IRS1: variants seen among roughly 807,000 people sequenced by gnomAD.
The protein encoded by IRS1 is insulin receptor substrate 1.
Under a neutral mutation model 65.6 loss-of-function variants are expected in IRS1, and 34 were observed. The ratio of observed to expected loss-of-function variants is 0.52; its 90% CI spans 0.39 to 0.69. IRS1 has a LOEUF of 0.69. IRS1 is among the 30% of genes least tolerant of loss of function. IRS1 has a pLI of 0.00. For missense variants in IRS1, 1,641 were observed against 1,720.2 expected (o/e 0.95, Z 0.81); for synonymous variants, 699 against 683.5 (o/e 1.02, Z -0.35).
intron 1 of IRS1, among the ~76,000 whole-genome samples, chr2:226,777,320 T>C (rs372553165): frequency 2.0e-5 from 3 of 152,306 alleles, no homozygotes; most frequent in African/African-American, 7.2e-5. Flanking sequence ...AAAAAGTGTA[T>C]TTTAAAAATG....
intron 1 of IRS1, among the ~76,000 whole-genome samples, chr2:226,774,417 G>T (rs1939228523): frequency 6.6e-6 from 1 of 152,120 alleles, no homozygotes; most frequent in Non-Finnish European, 1.5e-5. Context: ...AAAATGGAGA[G>T]AACATGGGGA....
chr2:226,771,121 T>C (rs569962563), intron 1 of IRS1, among the ~76,000 whole-genome samples: 19 of 152,206 alleles, frequency 1.2e-4, no homozygotes, highest in African/African-American at 3.9e-4. Context: ...GCTGTGTTGT[T>C]TGTGATTTTA....
At chr2:226,765,440 A>G (rs1344870107) in intron 1 of IRS1, among the ~76,000 whole-genome samples, 1 of 152,174 alleles carries the variant, frequency 6.6e-6, no homozygotes, top group Non-Finnish European at 1.5e-5. Flanking sequence ...CTACTCCTGG[A>G]CTGGTCCACA....
intron 1 of IRS1, among the ~76,000 whole-genome samples, chr2:226,773,617 C>T (rs1272201895): frequency 1.3e-5 from 2 of 151,018 alleles, no homozygotes; most frequent in East Asian, 3.9e-4. Flanking sequence ...AACTTGTTAG[C>T]TTGCAAGTTA....
Position 226,798,863 on chromosome 2 carries a change from T to C in IRS1, c.-125A>G, listed in dbSNP as rs1939823566. On this transcript the variant is annotated 5_prime_UTR_variant, in exon 1 of 2. Transcript: ENST00000305123. The surrounding 1 kb of genome is among the most constrained non-coding windows in gnomAD (Gnocchi z 9.4). ...GGCTGGAGGCAGCAGAAACCCCGAC[T>C]CTGAAATCCACGCCGCCCCCCGCGC... The C allele has an allele frequency of 3.3e-6, 5 of 1,530,928 alleles. No homozygotes were observed. In the African/African-American group the frequency reaches 6.9e-5, roughly 21 times the overall value. 94.8% of individuals were successfully genotyped at this position (1,530,928 alleles called of 1,614,324 possible).
intron 1 of IRS1, among the ~76,000 whole-genome samples, chr2:226,787,085 C>T (rs1188864969): frequency 1.3e-5 from 2 of 152,102 alleles, no homozygotes; most frequent in Admixed American, 6.5e-5. Flanking sequence ...GGTTTCCTAA[C>T]ACTGACCACC....
Position 226,796,546 on chromosome 2 carries a change from G to A in IRS1, c.2193C>T (p.Asp731=), listed in dbSNP as rs1288117276. Residue 731 remains aspartate, a synonymous_variant, in exon 1 of 2, where the codon GAC becomes GAT. Coordinates refer to ENST00000305123, the MANE Select transcript of IRS1 (RefSeq NM_005544.3). The stretch of plus-strand genomic sequence containing the variant: ...CCCCCACTGGTGACATGTTCATGTA[G>A]TCACCTGTGCAAGGTAAGAGCTTAC... ...SGGKLLPCTG[D]YMNMSPVGDS... The A allele has an allele frequency of 1.2e-6, 2 of 1,614,014 alleles. No individual in the cohort carries two copies. The highest frequency in any genetic ancestry group is 1.1e-5 in the South Asian group (1 of 91,096).
rs1352896561 is a variant in IRS1 at position 226,799,536 on chromosome 2, C to T, written c.-798G>A. ...GGGACAGACTCATCCCTGCCCCTCGCTCCAGGCGGCTGGGGAGGAGGGGAG... is the reference window on the plus strand; with the variant it reads ...GGGACAGACTCATCCCTGCCCCTCGTTCCAGGCGGCTGGGGAGGAGGGGAG... On this transcript the variant is annotated 5_prime_UTR_variant, in exon 1 of 2. Coordinates refer to ENST00000305123, the MANE Select transcript of IRS1 (RefSeq NM_005544.3). This position sits in a 1 kb window ranked among gnomAD's most constrained non-coding sequence, Gnocchi z 6.1. The T allele has an allele frequency of 9.3e-7, 1 of 1,073,068 alleles. No individual in the cohort carries two copies. Among genetic ancestry groups the T allele is most frequent in the African/African-American group, 1.7e-5 (1 of 57,704 alleles). The allele number at this position is 1,073,068 out of a possible 1,614,324, so 66.5% of individuals were successfully genotyped here.
At chr2:226,783,800 G>A (rs1404719512) in intron 1 of IRS1, among the ~76,000 whole-genome samples, 1 of 152,152 alleles carries the variant, frequency 6.6e-6, no homozygotes, top group Non-Finnish European at 1.5e-5. Flanking sequence ...GTGTGGCTAT[G>A]TGACTTGCTT....
chr2:226,794,869 A>T lies in IRS1; in HGVS notation c.*21+120T>A. 1 of 881,910 alleles carries T rather than the reference A, an allele frequency of 1.1e-6. No homozygotes were observed. The highest frequency in any genetic ancestry group is 1.9e-6 in the Non-Finnish European group (1 of 531,388). The allele number at this position is 881,910 out of a possible 1,614,324, so 54.6% of individuals were successfully genotyped here. ...AGCATCTTGTGTGCCCTGAGAATGT[A>T]AGTGCATTCTCCCTGAGGAAGCAGT... On this transcript the variant is annotated intron_variant, in intron 1 of 1. Coordinates refer to ENST00000305123, the MANE Select transcript of IRS1 (RefSeq NM_005544.3). This position sits in a 1 kb window ranked among gnomAD's most constrained non-coding sequence, Gnocchi z 4.1.
chr2:226,731,862 T>C lies in IRS1; in HGVS notation c.*4410A>G, dbSNP rs1035809970. Reference sequence around the variant, plus strand: ...AAAAAGAAAAAAAAAACCCTACAAATGTCTATGCAAATATGGACAAGTTTT... The same window carrying C: ...AAAAAGAAAAAAAAAACCCTACAAACGTCTATGCAAATATGGACAAGTTTT... On this transcript the variant is annotated 3_prime_UTR_variant, in exon 2 of 2. Transcript: ENST00000305123. 6.6e-6 allele frequency: 1 copy of C among 151,810 alleles called. No individual in the cohort carries two copies. Among genetic ancestry groups the C allele is most frequent in the Admixed American group, 6.6e-5 (1 of 15,234 alleles). 9.4% of individuals were successfully genotyped at this position (151,810 alleles called of 1,614,324 possible).
chr2:226,736,586 A>C (rs1375120915), intron 1 of IRS1, among the ~76,000 whole-genome samples: 1 of 152,172 alleles, frequency 6.6e-6, no homozygotes, highest in Admixed American at 6.5e-5. Flanking sequence ...TTGCTATGTA[A>C]AATGACCATC....
chr2:226,748,415 C>G (rs1380985260), intron 1 of IRS1, among the ~76,000 whole-genome samples: 3 of 126,188 alleles, frequency 2.4e-5, no homozygotes, highest in Non-Finnish European at 4.7e-5. Context: ...GGAAACAGAG[C>G]GAGACTCTGT....
chr2:226,796,069 G>A lies in IRS1; in HGVS notation c.2670C>T (p.Pro890=). 2 of 1,613,980 alleles carry A rather than the reference G, an allele frequency of 1.2e-6. No homozygotes were observed. Among genetic ancestry groups the A allele is most frequent in the South Asian group, 1.1e-5 (1 of 91,088 alleles). Residue 890 remains proline, a synonymous_variant, in exon 1 of 2, where the codon CCC becomes CCT. Coordinates refer to ENST00000305123, the MANE Select transcript of IRS1 (RefSeq NM_005544.3). ...QQQPLLHPPE[P]KSPGEYVNIE... is the part of the protein sequence containing the mutation. ...TATTGACATATTCCCCCGGGCTCTT[G>A]GGCTCTGGAGGGTGCAGCAAGGGCT... is the stretch of plus-strand genomic sequence containing the variant.
intron 1 of IRS1, among the ~76,000 whole-genome samples, chr2:226,770,864 T>G (rs545663609): frequency 6.6e-6 from 1 of 152,312 alleles, no homozygotes; most frequent in Non-Finnish European, 1.5e-5. Flanking sequence ...TGAGCTTTAT[T>G]ATCTTTAGGG....
At position 226,735,515 on chromosome 2, in the gene IRS1, A is replaced by G. The variant is rs1160291274; in HGVS notation, c.*757T>C. Reference sequence around the variant, plus strand: ...AAATACAAAATTAAGATTAATTCTTATAAGGAACTCAGCTCAACATCAGGT... The same window carrying G: ...AAATACAAAATTAAGATTAATTCTTGTAAGGAACTCAGCTCAACATCAGGT... On this transcript the variant is annotated 3_prime_UTR_variant, in exon 2 of 2. Transcript: ENST00000305123. 1 of 152,638 alleles carries G rather than the reference A, an allele frequency of 6.6e-6. No individual in the cohort carries two copies. The highest frequency in any genetic ancestry group is 1.5e-5 in the Non-Finnish European group (1 of 68,044). 9.5% of individuals were successfully genotyped at this position (152,638 alleles called of 1,614,324 possible).
Position 226,797,812 on chromosome 2 carries a change from G to A in IRS1, c.927C>T (p.Thr309=), listed in dbSNP as rs757476072. The change falls in exon 1 of 2, where the codon ACC becomes ACT. Residue 309 remains threonine (T), a synonymous_variant. Transcript: ENST00000305123. This position sits in a 1 kb window ranked among gnomAD's most constrained non-coding sequence, Gnocchi z 8.1. ...LTRRSRTESI[T]ATSPASMVGG... ...CCACCATGCTGGCCGGGGAGGTGGC[G>A]GTGATGCTCTCAGTGCGTGATCGGC... 5.0e-6 allele frequency: 8 copies of A among 1,603,292 alleles called. No individual in the cohort carries two copies. The highest frequency in any genetic ancestry group is 4.5e-5 in the East Asian group (2 of 44,728).
chr2:226,747,358 T>C (rs1938568825), intron 1 of IRS1, among the ~76,000 whole-genome samples: 1 of 152,090 alleles, frequency 6.6e-6, no homozygotes, highest in African/African-American at 2.4e-5. Flanking sequence ...AATTAAGTCA[T>C]GAGGGTGGAG....
intron 1 of IRS1, among the ~76,000 whole-genome samples, chr2:226,789,653 A>C (rs1290433961): frequency 6.6e-6 from 1 of 152,196 alleles, no homozygotes; most frequent in African/African-American, 2.4e-5. Flanking sequence ...AACAGGATGC[A>C]TGTGTTAATT....
Sources: gnomAD v4.1 joint callset for allele counts (sites outside exome capture counted in the v4.1 genomes callset) on GRCh38, gnomAD v4.1.1 for gene constraint, Gnocchi (gnomAD v3.1) non-coding constraint, MANE v1.5 for transcripts, NCBI Gene and HGNC (gene_info 2026-07-23, HGNC 2026-07-21) for gene names.